The following PTPRD variants were observed in gnomAD, a reference collection of about 807,000 sequenced individuals.
PTPRD encodes protein tyrosine phosphatase receptor type D.
A neutral mutation model predicts 214.5 loss-of-function variants in PTPRD; 34 were observed. That is an observed-to-expected ratio of 0.16 (90% CI 0.12 to 0.21). PTPRD has a LOEUF of 0.21. PTPRD is among the 10% of genes least tolerant of loss of function. The pLI is 1.00. For missense variants in PTPRD, 2,545 were observed against 2,398.7 expected (o/e 1.06, Z -1.27); for synonymous variants, 1,128 against 845.7 (o/e 1.33, Z -5.79).
chr9:8,713,930 C>T (rs2098400925), intron 12 of PTPRD: 2 of 668,910 alleles, frequency 3.0e-6, no homozygotes, highest in Non-Finnish European at 5.1e-6. Flanking sequence ...TGACGCATAA[C>T]TTGGAGGACC....
chr9:8,876,057 C>T (rs536607069), intron 11 of PTPRD, among the ~76,000 whole-genome samples: 6 of 152,302 alleles, frequency 3.9e-5, no homozygotes, highest in African/African-American at 1.4e-4. Flanking sequence ...TAGACCTTAT[C>T]ATATCCTAAC....
At chr9:9,613,698 G>A (rs2094676535) in intron 7 of PTPRD, among the ~76,000 whole-genome samples, 1 of 152,090 alleles carries the variant, frequency 6.6e-6, no homozygotes, top group South Asian at 2.1e-4. Context: ...TATGGTTCAT[G>A]GACTAGTAGC....
Position 8,999,056 on chromosome 9 carries a change from G to A in PTPRD, c.-104+19641C>T, listed in dbSNP as rs534215378. On this transcript the variant is annotated intron_variant, in intron 11 of 45. Transcript: ENST00000381196. ...AGCCAAGAAAATGATTGCATGAGAC[G>A]GAATCTACTCCTGGGAAAGATGCTG... 2.4e-4 allele frequency among the ~76,000 whole-genome samples: 37 copies of A among 152,130 alleles called. No individual in the cohort carries two copies. In the South Asian group the frequency reaches 6.6e-3, roughly 27 times the overall value.
intron 11 of PTPRD, chr9:8,860,885 G>C (rs772783721): frequency 6.6e-6 from 1 of 152,148 alleles, no homozygotes; most frequent in South Asian, 2.1e-4. Flanking sequence ...CATCCCACCA[G>C]CTATTCATCA....
intron 11 of PTPRD, among the ~76,000 whole-genome samples, chr9:8,768,050 G>A (rs541985655): frequency 6.6e-5 from 10 of 152,244 alleles, no homozygotes. Context: ...ATACAGTAGG[G>A]TCTGGAAGAA....
intron 5 of PTPRD, among the ~76,000 whole-genome samples, chr9:9,815,796 T>C (rs952935658): frequency 6.6e-6 from 1 of 152,144 alleles, no homozygotes. Context: ...TCCAGACTTA[T>C]AAGACGAATA....
At chr9:9,310,291 A>G (rs1375547353) in intron 9 of PTPRD, among the ~76,000 whole-genome samples, 1 of 152,112 alleles carries the variant, frequency 6.6e-6, no homozygotes, top group African/African-American at 2.4e-5. Flanking sequence ...TCAAGGCAGC[A>G]TGATGGAAGA....
intron 9 of PTPRD, among the ~76,000 whole-genome samples, chr9:9,377,943 T>A (rs2061235951): frequency 6.6e-6 from 1 of 152,058 alleles, no homozygotes. Flanking sequence ...TAGTTTTAGG[T>A]TTACAGCAAC....
intron 3 of PTPRD, among the ~76,000 whole-genome samples, chr9:10,289,002 T>C (rs2154398980): frequency 6.6e-6 from 1 of 150,868 alleles, no homozygotes; most frequent in Middle Eastern, 3.4e-3. Context: ...CTCCCTAACT[T>C]ACTCCAAATT....
rs181130926 is a variant in PTPRD, at chr9:8,722,559, C to T, written c.64+11221G>A. The stretch of plus-strand genomic sequence containing the variant: ...AAATATTTTATTAAAAAGCTTTAAT[C>T]TATATAGGGACTTCAACAAATCACT... On this transcript the variant is annotated intron_variant, in intron 12 of 45. Transcript: ENST00000381196. Among the ~76,000 whole-genome samples, 317 of 151,764 alleles carry T rather than the reference C, an allele frequency of 2.1e-3. 2 individuals are homozygous for T. Among genetic ancestry groups the T allele is most frequent in the African/African-American group, 7.4e-3 (306 of 41,380 alleles).
chr9:8,936,427 CA>C lies in PTPRD; in HGVS notation c.-104+82269del, dbSNP rs1181403459. Among the ~76,000 whole-genome samples the C allele has an allele frequency of 9.0e-3, 285 of 31,634 alleles. 2 individuals carry two copies. Among genetic ancestry groups the C allele is most frequent in the Middle Eastern group, 0.045 (1 of 22 alleles). The allele number at this position is 31,634 out of a possible 152,430, so 20.8% of individuals were successfully genotyped here. On this transcript the variant is annotated intron_variant, in intron 11 of 45. Transcript: ENST00000381196. ...AGGCAACAGAGCAAGACCCTGCCTCCAAAAAAAAAAAAAAAAAAAAAAAGAA... is the reference window on the plus strand; with the variant it reads ...AGGCAACAGAGCAAGACCCTGCCTCCAAAAAAAAAAAAAAAAAAAAAAGAA...
At chr9:10,132,436 G>A (rs1158776053) in intron 3 of PTPRD, among the ~76,000 whole-genome samples, 1 of 151,830 alleles carries the variant, frequency 6.6e-6, no homozygotes, top group Admixed American at 6.6e-5. Flanking sequence ...CCTGCCATAT[G>A]ATGAGGACTA....
intron 7 of PTPRD, among the ~76,000 whole-genome samples, chr9:9,610,570 TG>T (rs1169785981): frequency 6.6e-6 from 1 of 152,124 alleles, no homozygotes; most frequent in Non-Finnish European, 1.5e-5. Context: ...TTGGAATAGA[TG>T]GGGGAAAGTG....
At chr9:10,448,672 G>C (rs1382399992) in intron 2 of PTPRD, among the ~76,000 whole-genome samples, 1 of 151,956 alleles carries the variant, frequency 6.6e-6, no homozygotes, top group Non-Finnish European at 1.5e-5. Context: ...TTTTACATCT[G>C]AGGATATTAG....
At chr9:9,551,590 T>C (rs374098438) in intron 8 of PTPRD, among the ~76,000 whole-genome samples, 3 of 151,986 alleles carry the variant, frequency 2.0e-5, no homozygotes, top group Admixed American at 6.6e-5. Flanking sequence ...GCTGAAGATA[T>C]TACATTAATG....
intron 3 of PTPRD, among the ~76,000 whole-genome samples, chr9:10,297,841 C>G (rs1565122741): frequency 1.3e-5 from 2 of 152,042 alleles, no homozygotes; most frequent in Non-Finnish European, 2.9e-5. Context: ...TATGTCAGCT[C>G]TAGTCCAACC....
At chr9:10,534,966 T>C (rs2057387367) in intron 2 of PTPRD, among the ~76,000 whole-genome samples, 1 of 152,180 alleles carries the variant, frequency 6.6e-6, no homozygotes, top group Admixed American at 6.6e-5. Context: ...CTTCAGTTTA[T>C]GTAGGCAGTC....
intron 2 of PTPRD, among the ~76,000 whole-genome samples, chr9:10,364,100 T>C (rs147695507): frequency 1.5e-3 from 216 of 145,718 alleles, no homozygotes; most frequent in African/African-American, 5.3e-3. Flanking sequence ...CCCGGGTTCA[T>C]GCCATTCTCC....
At chr9:10,123,633 A>G (rs1349517842) in intron 3 of PTPRD, among the ~76,000 whole-genome samples, 1 of 152,208 alleles carries the variant, frequency 6.6e-6, no homozygotes, top group Non-Finnish European at 1.5e-5. Flanking sequence ...CTTTTAAAAG[A>G]TGAGGGAAAA....
Sources: gnomAD v4.1 joint callset for allele counts (sites outside exome capture counted in the v4.1 genomes callset) on GRCh38, gnomAD v4.1.1 for gene constraint, MANE v1.5 for transcripts, NCBI Gene and HGNC (gene_info 2026-07-23, HGNC 2026-07-21) for gene names.